TMEM62: variants seen among roughly 807,000 people sequenced by gnomAD.
TMEM62 encodes transmembrane protein 62.
In TMEM62, 41 loss-of-function variants were observed where a neutral mutation model predicts 70.4. That is an observed-to-expected ratio of 0.58 (90% CI 0.45 to 0.76). The LOEUF is 0.76. TMEM62 is among the 30% of genes least tolerant of loss of function. TMEM62 has a pLI of 0.00. For missense variants in TMEM62, 688 were observed against 788.5 expected (o/e 0.87, Z 1.53); for synonymous variants, 268 against 291.0 (o/e 0.92, Z 0.80).
Position 43,184,381 on chromosome 15 carries a change from A to G in TMEM62, c.1727A>G (p.His576Arg), listed in dbSNP as rs1471687938. The change falls in exon 14 of 14, where the codon CAC becomes CGC. Residue 576 changes from histidine (H) to arginine (R), a missense_variant. Physicochemically the swap from His to Arg is conservative, Grantham distance 29 (BLOSUM62 0). Coordinates refer to ENST00000260403, the MANE Select transcript of TMEM62 (RefSeq NM_024956.4). ...AAATACTTGAAAATTATGCCTGTTC[A>G]CCTACTTATGCTACTGCTGTACATC... ...QRKYLKIMPV[H>R]LLMLLLYIWQ... 4 of 1,614,038 alleles carry G rather than the reference A, an allele frequency of 2.5e-6. No individual in the cohort carries two copies. In the South Asian group the frequency reaches 4.4e-5, roughly 18 times the overall value.
rs1279932709 is a variant in TMEM62, at chr15:43,160,778, C to T, written c.1280C>T (p.Thr427Ile). The T allele has an allele frequency of 2.5e-6, 4 of 1,592,644 alleles. No homozygotes were observed. Among genetic ancestry groups the T allele is most frequent in the African/African-American group, 1.3e-5 (1 of 74,368 alleles). The change falls in exon 10 of 14, where the codon ACT becomes ATT. Residue 427 changes from threonine (T) to isoleucine (I), a missense_variant. By Grantham distance (89) the Thr-to-Ile change is moderately conservative. Coordinates refer to ENST00000260403, the MANE Select transcript of TMEM62 (RefSeq NM_024956.4). The part of the protein sequence containing the change: ...FDPLASFILR[T>I]DHYIMARVLF... Reference sequence around the variant, plus strand: ...CCCCTGGCATCATTTATTCTCCGTACTGATCACTACATCATGGTAAGTGAA... The same window carrying T: ...CCCCTGGCATCATTTATTCTCCGTATTGATCACTACATCATGGTAAGTGAA...
intron 8 of TMEM62, among the ~76,000 whole-genome samples, chr15:43,153,752 CTT>C (rs1475696209): frequency 6.6e-6 from 1 of 151,994 alleles, no homozygotes; most frequent in Non-Finnish European, 1.5e-5. Flanking sequence ...TCAATGGACA[CTT>C]GGGTTGCTTC....
intron 4 of TMEM62, among the ~76,000 whole-genome samples, chr15:43,144,006 A>G (rs2036377407): frequency 6.6e-6 from 1 of 152,240 alleles, no homozygotes; most frequent in Admixed American, 6.5e-5. Flanking sequence ...TTAGGAAACA[A>G]TTAGAAAATA....
chr15:43,168,086 T>C (rs2039747446), intron 10 of TMEM62, among the ~76,000 whole-genome samples: 2 of 150,460 alleles, frequency 1.3e-5, no homozygotes, highest in African/African-American at 4.9e-5. Flanking sequence ...ACAGTCCAGC[T>C]TCGGCTCGGC....
intron 2 of TMEM62, among the ~76,000 whole-genome samples, chr15:43,134,902 G>A (rs925656999): frequency 6.6e-6 from 1 of 152,194 alleles, no homozygotes; most frequent in Non-Finnish European, 1.5e-5. Flanking sequence ...GGGAGAAGAA[G>A]CTAAAGGAGC....
At chr15:43,168,792 G>A (rs560945646) in intron 10 of TMEM62, among the ~76,000 whole-genome samples, 2 of 152,276 alleles carry the variant, frequency 1.3e-5, no homozygotes, top group East Asian at 3.9e-4. Flanking sequence ...ATTTGCCCAA[G>A]GACTGCAGTC....
chr15:43,142,093 A>G (rs182518724), intron 4 of TMEM62, among the ~76,000 whole-genome samples: 69 of 152,330 alleles, frequency 4.5e-4, no homozygotes, highest in Non-Finnish European at 6.3e-4. Flanking sequence ...TAAAGCAATA[A>G]CAGTGTTGGA....
chr15:43,167,248 G>A (rs2039576840), intron 10 of TMEM62, among the ~76,000 whole-genome samples: 1 of 151,598 alleles, frequency 6.6e-6, no homozygotes, highest in Non-Finnish European at 1.5e-5. Context: ...TGGGGCGGCT[G>A]GCCGAGCGGG....
chr15:43,155,387 T>C (rs2037923484), intron 9 of TMEM62, among the ~76,000 whole-genome samples: 1 of 151,816 alleles, frequency 6.6e-6, no homozygotes, highest in South Asian at 2.1e-4. Flanking sequence ...TCCTAGCTAC[T>C]TGGGAGGCTG....
chr15:43,168,275 G>A (rs190518448), intron 10 of TMEM62, among the ~76,000 whole-genome samples: 1 of 152,016 alleles, frequency 6.6e-6, no homozygotes, highest in Admixed American at 6.5e-5. Context: ...CTCTTTGCTG[G>A]CCTGCCTGGA....
chr15:43,142,259 G>A (rs1166256871), intron 4 of TMEM62, among the ~76,000 whole-genome samples: 1 of 149,500 alleles, frequency 6.7e-6, no homozygotes, highest in Non-Finnish European at 1.5e-5. Flanking sequence ...TCCGCCTCCC[G>A]GGTTCAAGCA....
chr15:43,141,456 C>T (rs1448185646), intron 4 of TMEM62, among the ~76,000 whole-genome samples: 1 of 152,202 alleles, frequency 6.6e-6, no homozygotes, highest in East Asian at 1.9e-4. Context: ...AGAACTACTG[C>T]TCAGAAAAAA....
rs2038422645 is a variant in TMEM62, at chr15:43,159,472, C to G, written c.1183-1209C>G. On this transcript the variant is annotated intron_variant, in intron 9 of 13. Coordinates refer to ENST00000260403, the MANE Select transcript of TMEM62 (RefSeq NM_024956.4). Reference sequence around the variant, plus strand: ...CAATTGTTTTGATATTTGGATCCAACAAGTAAGTGAGAACAAGTGATGTTT... The same window carrying G: ...CAATTGTTTTGATATTTGGATCCAAGAAGTAAGTGAGAACAAGTGATGTTT... 3.3e-5 allele frequency among the ~76,000 whole-genome samples: 5 copies of G among 152,274 alleles called. 1 individual carries two copies. In the Middle Eastern group the frequency reaches 0.01, roughly 311 times the overall value.
rs754412668 is a variant in TMEM62 at position 43,154,849 on chromosome 15, A to T, written c.1182+18A>T. ...TCGTCCAGGTAAGTTAGTAATTTAT[A>T]TTTACTATGTAAATGATTAAGCTGT... On this transcript the variant is annotated intron_variant, in intron 9 of 13. Transcript: ENST00000260403. The T allele has an allele frequency of 1.9e-6, 3 of 1,575,886 alleles. No homozygotes were observed. In the African/African-American group the frequency reaches 4.1e-5, roughly 22 times the overall value.
At position 43,142,432 on chromosome 15, in the gene TMEM62, G is replaced by A. The variant is rs1021593468; in HGVS notation, c.476+3813G>A. ...CCCACCTCGGCCTCCCAAAGTGCTG[G>A]GATTACAGGGGTGAGCCACCGCGCC... On this transcript the variant is annotated intron_variant, in intron 4 of 13. Coordinates refer to ENST00000260403, the MANE Select transcript of TMEM62 (RefSeq NM_024956.4). Among the ~76,000 whole-genome samples the A allele has an allele frequency of 7.2e-5, 11 of 152,004 alleles. No homozygotes were observed. In the East Asian group the frequency reaches 2.1e-3, roughly 29 times the overall value.
In TMEM62 at chr15:43,151,655, AT is replaced by A. The variant is rs1182977321; in HGVS notation, c.867-133del. The A allele has an allele frequency of 4.0e-6, 3 of 751,194 alleles. No individual in the cohort carries two copies. The Admixed American group carries it at 8.5e-5, about 21-fold the overall frequency. 46.5% of individuals were successfully genotyped at this position (751,194 alleles called of 1,614,324 possible). A position where few individuals can be genotyped will look rare whatever the true frequency, so the allele number is the denominator to read the frequency against. Reference sequence around the variant, plus strand: ...GGGTAAGGGAAGAAAGAAAGAAAATATTACTTAATCTGTATTCAAATTAATC... The same window carrying A: ...GGGTAAGGGAAGAAAGAAAGAAAATATACTTAATCTGTATTCAAATTAATC... On this transcript the variant is annotated intron_variant, in intron 7 of 13. Coordinates refer to ENST00000260403, the MANE Select transcript of TMEM62 (RefSeq NM_024956.4).
chr15:43,165,255 T>A (rs1275325523), intron 10 of TMEM62, among the ~76,000 whole-genome samples: 1 of 152,120 alleles, frequency 6.6e-6, no homozygotes, highest in East Asian at 1.9e-4. Flanking sequence ...TCTTTTTTTT[T>A]TTCCTTTTTT....
chr15:43,146,971 G>A (rs2036751849), intron 5 of TMEM62, among the ~76,000 whole-genome samples: 1 of 152,150 alleles, frequency 6.6e-6, no homozygotes, highest in African/African-American at 2.4e-5. Context: ...TCTAACTAGT[G>A]TTTATTTTTT....
chr15:43,168,359 C>T (rs1259251414), intron 10 of TMEM62, among the ~76,000 whole-genome samples: 1 of 152,066 alleles, frequency 6.6e-6, no homozygotes, highest in Non-Finnish European at 1.5e-5. Flanking sequence ...GGGTCTTGTC[C>T]AAGTTCTGTG....
Sources: allele counts gnomAD v4.1 joint callset (sites outside exome capture counted in the v4.1 genomes callset), GRCh38; gene constraint gnomAD v4.1.1; transcripts MANE v1.5; gene names NCBI Gene and HGNC (gene_info 2026-07-23, HGNC 2026-07-21).